The following TIGIT variants were observed in gnomAD, a reference collection of about 807,000 sequenced individuals.
TIGIT encodes the protein T cell immunoreceptor with Ig and ITIM domains, also known as T-cell immunoreceptor with Ig and ITIM domains.
In TIGIT, 11 loss-of-function variants were observed where a neutral mutation model predicts 19.6. The observed-to-expected ratio is 0.56, with a 90% CI of 0.35 to 0.93. TIGIT has a LOEUF of 0.93. TIGIT is among the 40% of genes least tolerant of loss of function. The pLI is 0.01. For missense variants in TIGIT, 295 were observed against 303.9 expected, an observed-to-expected ratio of 0.97 and a Z score of 0.22; for synonymous variants, 130 against 125.5, an observed-to-expected ratio of 1.04 and a Z score of -0.24.
chr3:114,301,329 C>G (rs183987776), intron 3 of TIGIT, among the ~76,000 whole-genome samples: 1 of 152,330 alleles, frequency 6.6e-6, no homozygotes, highest in Admixed American at 6.5e-5. Flanking sequence ...ACTGCAGTGG[C>G]TGAGACATGG....
Position 114,307,878 on chromosome 3 carries a change from AGTTT to A in TIGIT, c.499-8_499-5del, listed in dbSNP as rs762212104. ...TAACATCCCCACATACTCACTTTGT[AGTTT>A]GTTTGTTTTTAGAAGAAAGCCCTCA... On this transcript the variant is annotated splice_polypyrimidine_tract_variant and intron_variant, in intron 3 of 3. Transcript: ENST00000383671. The A allele has an allele frequency of 8.7e-6, 14 of 1,605,728 alleles. No individual in the cohort carries two copies. The highest frequency in any genetic ancestry group is 1.1e-5 in the Non-Finnish European group (13 of 1,172,628).
chr3:114,303,630 T>TACAC (rs3085123), intron 3 of TIGIT, among the ~76,000 whole-genome samples: 13 of 115,890 alleles, frequency 1.1e-4, no homozygotes, highest in African/African-American at 4.1e-4. Context: ...TGTATATATA[T>TACAC]ACACACACAC....
intron 3 of TIGIT, among the ~76,000 whole-genome samples, chr3:114,301,651 G>A (rs1449497251): frequency 6.6e-6 from 1 of 152,176 alleles, no homozygotes; most frequent in Non-Finnish European, 1.5e-5. Context: ...TTCATTCTGG[G>A]CACCTGGACT....
intron 3 of TIGIT, among the ~76,000 whole-genome samples, 174 bp downstream of exon 3, chr3:114,299,877 G>A (rs193064527): frequency 1.6e-4 from 24 of 152,048 alleles, no homozygotes; most frequent in East Asian, 9.7e-4. Context: ...ATGCTCTTCC[G>A]TTGTCCCTCT....
intron 3 of TIGIT, among the ~76,000 whole-genome samples, chr3:114,302,911 GA>G (rs1469136027): frequency 6.6e-6 from 1 of 152,174 alleles, no homozygotes; most frequent in Non-Finnish European, 1.5e-5. Context: ...TCTCTGTAAA[GA>G]GGCAGATAGT....
At chr3:114,304,555 C>A (rs913651152) in intron 3 of TIGIT, among the ~76,000 whole-genome samples, 5 of 152,212 alleles carry the variant, frequency 3.3e-5, no homozygotes, top group Non-Finnish European at 7.3e-5. Flanking sequence ...CCCCCTACCA[C>A]AATCCATCAC....
intron 3 of TIGIT, among the ~76,000 whole-genome samples, chr3:114,305,880 A>G (rs1199016557): frequency 2.6e-5 from 4 of 151,276 alleles, no homozygotes; most frequent in Admixed American, 6.6e-5. Context: ...ATAGATAGAT[A>G]GATAGATAGA....
chr3:114,299,505 C>A, intron 2 of TIGIT, 92 bp from the exon 3 acceptor site: 2 of 951,606 alleles, frequency 2.1e-6, no homozygotes, highest in South Asian at 1.4e-5. Flanking sequence ...TTGGCCAATC[C>A]TCCCCTCTCT....
intron 3 of TIGIT, among the ~76,000 whole-genome samples, chr3:114,306,084 G>A (rs1165382420): frequency 1.3e-5 from 2 of 152,080 alleles, no homozygotes; most frequent in Admixed American, 1.3e-4. Flanking sequence ...CTAAGGGCCT[G>A]AAAACCCAGG....
In TIGIT at chr3:114,307,936, G is replaced by A; in HGVS notation, c.540G>A (p.Arg180=). The A allele has an allele frequency of 6.2e-7, 1 of 1,614,146 alleles. No homozygotes were observed. Among genetic ancestry groups the A allele is most frequent in the Non-Finnish European group, 8.5e-7 (1 of 1,180,040 alleles). The change falls in exon 4 of 4, where the codon AGG becomes AGA. Residue 180 remains arginine (R), a synonymous_variant. Transcript: ENST00000383671. The part of the protein sequence containing the change: ...LRIHSVEGDL[R]RKSAGQEEWS... ...TCCATTCTGTGGAAGGTGACCTCAGGAGAAAATCAGCTGGACAGGAGGAAT... is the reference window on the plus strand; with the variant it reads ...TCCATTCTGTGGAAGGTGACCTCAGAAGAAAATCAGCTGGACAGGAGGAAT...
rs1001228297 is a variant in TIGIT at position 114,309,227 on chromosome 3, C to T, written c.*1096C>T. 1 of 152,198 alleles carries T rather than the reference C, an allele frequency of 6.6e-6. No individual in the cohort carries two copies. The highest frequency in any genetic ancestry group is 1.5e-5 in the Non-Finnish European group (1 of 68,030). The allele number at this position is 152,198 out of a possible 1,614,324, so 9.4% of individuals were successfully genotyped here. On this transcript the variant is annotated 3_prime_UTR_variant, in exon 4 of 4. Transcript: ENST00000383671. ...AGTGATAGAGGGTTTAAAAAATAAA[C>T]ACCTTCAAACTAACTTCTTCGAACC...
intron 1 of TIGIT, 122 bp from the exon 2 acceptor site, chr3:114,295,423 G>A: frequency 2.7e-6 from 2 of 735,820 alleles, no homozygotes; most frequent in Non-Finnish European, 4.7e-6. Context: ...GCAACAGGAT[G>A]GACTGGAGAA....
At position 114,294,060 on chromosome 3, in the gene TIGIT, G is replaced by A. The variant is rs1271477372; in HGVS notation, c.-2G>A. The A allele has an allele frequency of 1.9e-6, 3 of 1,552,312 alleles. No individual in the cohort carries two copies. The highest frequency in any genetic ancestry group is 2.0e-5 in the Admixed American group (1 of 51,018). On this transcript the variant is annotated 5_prime_UTR_variant, in exon 1 of 4. Transcript: ENST00000383671. Reference sequence around the variant, plus strand: ...CTTCCTGTAGGCCCTCTGGGCAGAAGCATGCGCTGGTGTCTCCTCCTGATC... The same window carrying A: ...CTTCCTGTAGGCCCTCTGGGCAGAAACATGCGCTGGTGTCTCCTCCTGATC...
At chr3:114,302,532 T>C (rs2078499094) in intron 3 of TIGIT, among the ~76,000 whole-genome samples, 1 of 152,238 alleles carries the variant, frequency 6.6e-6, no homozygotes, top group South Asian at 2.1e-4. Context: ...AATATTCCCA[T>C]GGATCAGGCT....
chr3:114,306,532 G>A (rs963854342), intron 3 of TIGIT, among the ~76,000 whole-genome samples: 10 of 152,182 alleles, frequency 6.6e-5, no homozygotes, highest in Admixed American at 3.3e-4. Context: ...CACTTGAGTA[G>A]CTGTACCACC....
At position 114,307,872 on chromosome 3, in the gene TIGIT, CTTTGTAG is replaced by C; in HGVS notation, c.499-17_499-11del. On this transcript the variant is annotated splice_polypyrimidine_tract_variant and intron_variant, in intron 3 of 3. Transcript: ENST00000383671. Reference sequence around the variant, plus strand: ...GTTGAATAACATCCCCACATACTCACTTTGTAGTTTGTTTGTTTTTAGAAGAAAGCCC... The same window carrying C: ...GTTGAATAACATCCCCACATACTCACTTTGTTTGTTTTTAGAAGAAAGCCC... 5 of 1,600,982 alleles carry C rather than the reference CTTTGTAG, an allele frequency of 3.1e-6. No homozygotes were observed. Among genetic ancestry groups the C allele is most frequent in the Non-Finnish European group, 3.4e-6 (4 of 1,168,196 alleles).
Position 114,307,875 on chromosome 3 carries a change from TGTA to T in TIGIT, c.499-17_499-15del. Reference sequence around the variant, plus strand: ...GAATAACATCCCCACATACTCACTTTGTAGTTTGTTTGTTTTTAGAAGAAAGCC... The same window carrying T: ...GAATAACATCCCCACATACTCACTTTGTTTGTTTGTTTTTAGAAGAAAGCC... On this transcript the variant is annotated splice_polypyrimidine_tract_variant and intron_variant, in intron 3 of 3. Coordinates refer to ENST00000383671, the MANE Select transcript of TIGIT (RefSeq NM_173799.4). The T allele has an allele frequency of 6.2e-7, 1 of 1,601,672 alleles. No individual in the cohort carries two copies. Among genetic ancestry groups the T allele is most frequent in the Non-Finnish European group, 8.6e-7 (1 of 1,168,810 alleles).
intron 2 of TIGIT, among the ~76,000 whole-genome samples, chr3:114,297,906 C>T (rs2078465833): frequency 1.3e-5 from 2 of 152,246 alleles, no homozygotes; most frequent in African/African-American, 4.8e-5. Flanking sequence ...GGTCACTCGG[C>T]TCTTCCCTCT....
intron 3 of TIGIT, among the ~76,000 whole-genome samples, chr3:114,303,496 T>TATATATATGTATATATATATACAC (rs1560033411): frequency 4.9e-4 from 24 of 49,014 alleles, no homozygotes; most frequent in African/African-American, 1.2e-3. Flanking sequence ...ATGGTGTGTA[T>TATATATATGTATATATATATACAC]ATATATATGT....
Sources: gnomAD v4.1 joint callset for allele counts (sites outside exome capture counted in the v4.1 genomes callset) on GRCh38, gnomAD v4.1.1 for gene constraint, MANE v1.5 for transcripts, NCBI Gene and HGNC (gene_info 2026-07-23, HGNC 2026-07-21) for gene names.